Variants in FOXK1 observed in about 807,000 individuals in gnomAD.
FOXK1 encodes the protein forkhead box protein K1.
Under a neutral mutation model 51.9 loss-of-function variants are expected in FOXK1, and 19 were observed. The ratio of observed to expected loss-of-function variants is 0.37; its 90% CI spans 0.26 to 0.54. The LOEUF is 0.54. Among genes scored for constraint, FOXK1 ranks in the 20% least tolerant of loss-of-function variants. The pLI is 0.87. For synonymous variants in FOXK1, 537 were observed against 482.6 expected, an observed-to-expected ratio of 1.11 and a Z score of -1.48; for missense variants, 870 against 1,032.7, an observed-to-expected ratio of 0.84 and a Z score of 2.16.
rs984258931 is a variant in FOXK1, at chr7:4,745,560, C to A, written c.746+4537C>A. On this transcript the variant is annotated intron_variant, in intron 2 of 8. Coordinates refer to ENST00000328914, the MANE Select transcript of FOXK1 (RefSeq NM_001037165.2). The surrounding 1 kb of genome is among the most constrained non-coding windows in gnomAD (Gnocchi z 4.3). ...GAATGAACTCTCTTTGAAATAAATT[C>A]TGCTATCTTTAGCAGAAGTTTGACC... 2.0e-5 allele frequency among the ~76,000 whole-genome samples: 3 copies of A among 152,104 alleles called. No homozygotes were observed. The highest frequency in any genetic ancestry group is 4.8e-5 in the African/African-American group (2 of 41,410).
At chr7:4,742,045 C>A (rs551945238) in intron 2 of FOXK1, among the ~76,000 whole-genome samples, 1 of 152,284 alleles carries the variant, frequency 6.6e-6, no homozygotes. Context: ...CCCAACCGCA[C>A]GTCTGTGGCT....
chr7:4,721,035 TTTCAG>T, intron 1 of FOXK1, among the ~76,000 whole-genome samples: 1 of 152,280 alleles, frequency 6.6e-6, no homozygotes, highest in Admixed American at 6.5e-5. Flanking sequence ...CTTTTTTGTC[TTTCAG>T]TTAAGTTTTG....
rs1780994547 is a variant in FOXK1 at position 4,765,241 on chromosome 7, C to G, written c.*2777C>G. 6.6e-6 allele frequency: 1 copy of G among 152,354 alleles called. No homozygotes were observed. The highest frequency in any genetic ancestry group is 1.5e-5 in the Non-Finnish European group (1 of 68,124). The allele number at this position is 152,354 out of a possible 1,614,324, so 9.4% of individuals were successfully genotyped here. On this transcript the variant is annotated 3_prime_UTR_variant, in exon 9 of 9. Transcript: ENST00000328914. The stretch of plus-strand genomic sequence containing the variant: ...GAGCAGGTACCATGCCTGGCTCATG[C>G]CGGAACTTGTCTTGGAACCGGTAGC...
chr7:4,751,012 C>CTT lies in FOXK1; in HGVS notation c.747-3428_747-3427dup, dbSNP rs35715224. Among the ~76,000 whole-genome samples the CTT allele has an allele frequency of 2.1e-4, 22 of 102,982 alleles. 1 individual carries two copies. Among genetic ancestry groups the CTT allele is most frequent in the South Asian group, 6.4e-4 (2 of 3,142 alleles). 67.6% of individuals were successfully genotyped at this position (102,982 alleles called of 152,430 possible). A position where few individuals can be genotyped will look rare whatever the true frequency, so the allele number is the denominator to read the frequency against. On this transcript the variant is annotated intron_variant, in intron 2 of 8. Transcript: ENST00000328914. Reference sequence around the variant, plus strand: ...GAGCCACCGTGCCTGGCCTTCAGCACTTTTTTTTTTTTTTTTTTTTGAGAT... The same window carrying CTT: ...GAGCCACCGTGCCTGGCCTTCAGCACTTTTTTTTTTTTTTTTTTTTTTGAGAT...
chr7:4,706,064 GTGTATATA>G (rs895854698), intron 1 of FOXK1, among the ~76,000 whole-genome samples: 2 of 110,670 alleles, frequency 1.8e-5, no homozygotes, highest in Admixed American at 1.6e-4. Context: ...GTATATATAT[GTGTATATA>G]TGTATATATG....
At chr7:4,702,285 C>T (rs77685818) in intron 1 of FOXK1, among the ~76,000 whole-genome samples, 3,669 of 152,168 alleles carry the variant, frequency 0.024, 64 homozygotes, top group Non-Finnish European at 0.039. Flanking sequence ...AGACCTCCCG[C>T]GTATGTCACA....
rs1217215296 is a variant in FOXK1 at position 4,750,445 on chromosome 7, CT to C, written c.747-3999del. ...CACGTGTATGCCGTCGTTTTCAGCA[CT>C]TTTTTTTTTTTTTTGAGACAGAATC... On this transcript the variant is annotated intron_variant, in intron 2 of 8. Coordinates refer to ENST00000328914, the MANE Select transcript of FOXK1 (RefSeq NM_001037165.2). Among the ~76,000 whole-genome samples the C allele has an allele frequency of 3.0e-3, 434 of 142,526 alleles. 1 individual carries two copies. The highest frequency in any genetic ancestry group is 7.4e-3 in the Middle Eastern group (2 of 272). 93.5% of individuals were successfully genotyped at this position (142,526 alleles called of 152,430 possible). A position where few individuals can be genotyped will look rare whatever the true frequency, so the allele number is the denominator to read the frequency against.
chr7:4,724,310 C>G (rs1780351798), intron 1 of FOXK1, among the ~76,000 whole-genome samples: 1 of 152,202 alleles, frequency 6.6e-6, no homozygotes, highest in Non-Finnish European at 1.5e-5. Flanking sequence ...ATTCTCCTGC[C>G]TCAACCTCTC....
Position 4,762,342 on chromosome 7 carries a change from G to C in FOXK1, c.2080G>C (p.Ala694Pro), listed in dbSNP as rs15715. 6.4e-7 allele frequency: 1 copy of C among 1,550,846 alleles called. No homozygotes were observed. The highest frequency in any genetic ancestry group is 8.7e-7 in the Non-Finnish European group (1 of 1,146,870). ...PATATTASAS[A>P]SSTGEPEVKR... ...CACTGCCACCACCGCCTCTGCCTCCGCCTCTTCCACTGGAGAGCCCGAGGT... is the reference window on the plus strand; with the variant it reads ...CACTGCCACCACCGCCTCTGCCTCCCCCTCTTCCACTGGAGAGCCCGAGGT... The change falls in exon 9 of 9, where the codon GCC (alanine) becomes CCC (proline). Residue 694 changes from alanine (A) to proline (P), a missense_variant. By Grantham distance (27) the Ala-to-Pro change is conservative (BLOSUM62 -1). This residue lies in a region of FOXK1 where 457 missense variants were observed against 510.8 expected (regional missense o/e 0.89). Coordinates refer to ENST00000328914, the MANE Select transcript of FOXK1 (RefSeq NM_001037165.2). The surrounding 1 kb of genome is among the most constrained non-coding windows in gnomAD (Gnocchi z 5.7).
chr7:4,736,606 G>T (rs969646859), intron 1 of FOXK1, among the ~76,000 whole-genome samples: 1 of 151,932 alleles, frequency 6.6e-6, no homozygotes, highest in Admixed American at 6.6e-5. Context: ...TAGAGAGGGG[G>T]GTTTTGCCTT....
intron 1 of FOXK1, among the ~76,000 whole-genome samples, chr7:4,706,052 A>ACGTATATATACG (rs1260482838): frequency 1.1e-4 from 14 of 128,470 alleles, no homozygotes; most frequent in Admixed American, 7.3e-4. Flanking sequence ...ACGTGTATAT[A>ACGTATATATACG]TGTATATATA....
rs901994610 is a variant in FOXK1, at chr7:4,749,272, C to T, written c.747-5187C>T. 6.6e-6 allele frequency among the ~76,000 whole-genome samples: 1 copy of T among 152,200 alleles called. No individual in the cohort carries two copies. The highest frequency in any genetic ancestry group is 1.5e-5 in the Non-Finnish European group (1 of 68,044). On this transcript the variant is annotated intron_variant, in intron 2 of 8. Transcript: ENST00000328914. The surrounding 1 kb of genome is among the most constrained non-coding windows in gnomAD (Gnocchi z 6.0). ...CATGTTTCATCTCCTCCCAAGCTCC[C>T]GTAGGCTTCCCTGGGTCCCTCTTCT...
At chr7:4,760,431 G>T (rs1213871350) in intron 7 of FOXK1, among the ~76,000 whole-genome samples, 1 of 152,184 alleles carries the variant, frequency 6.6e-6, no homozygotes, top group Non-Finnish European at 1.5e-5. Flanking sequence ...TTTCAATGCT[G>T]CCGTAATGAA....
chr7:4,749,667 G>A lies in FOXK1; in HGVS notation c.747-4792G>A, dbSNP rs976843253. Among the ~76,000 whole-genome samples the A allele has an allele frequency of 1.1e-4, 16 of 152,192 alleles. No individual in the cohort carries two copies. Among genetic ancestry groups the A allele is most frequent in the Admixed American group, 7.2e-4 (11 of 15,280 alleles). On this transcript the variant is annotated intron_variant, in intron 2 of 8. Transcript: ENST00000328914. This position sits in a 1 kb window ranked among gnomAD's most constrained non-coding sequence, Gnocchi z 6.0. Reference sequence around the variant, plus strand: ...ACTGTCCTCCCTGGGCCTGCCGGAAGCGATAACTGTCCCGACCCTAGGCCT... The same window carrying A: ...ACTGTCCTCCCTGGGCCTGCCGGAAACGATAACTGTCCCGACCCTAGGCCT...
chr7:4,702,364 A>T (rs564007934), intron 1 of FOXK1, among the ~76,000 whole-genome samples: 1 of 151,860 alleles, frequency 6.6e-6, no homozygotes, highest in Non-Finnish European at 1.5e-5. Flanking sequence ...TTTTTTTGAG[A>T]TAGAGTCTCA....
At chr7:4,690,267 G>A (rs1353648242) in intron 1 of FOXK1, among the ~76,000 whole-genome samples, 1 of 152,254 alleles carries the variant, frequency 6.6e-6, no homozygotes, top group Non-Finnish European at 1.5e-5. Context: ...GCAGAGGTTG[G>A]AGGGGGAGCC....
intron 1 of FOXK1, 117 bp from the exon 2 acceptor site, chr7:4,740,721 C>A: frequency 9.6e-7 from 1 of 1,038,254 alleles, no homozygotes; most frequent in Non-Finnish European, 1.4e-6. Context: ...TCTCTGGGGC[C>A]CAGGTTTGAG....
rs769786458 is a variant in FOXK1 at position 4,764,819 on chromosome 7, A to G, written c.*2355A>G. ...GAGCGCCGCGTGCTGGGATTGCACC[A>G]CGTGTTGGTCACAAATCGAGGTCGC... is the stretch of plus-strand genomic sequence containing the variant. On this transcript the variant is annotated 3_prime_UTR_variant, in exon 9 of 9. Coordinates refer to ENST00000328914, the MANE Select transcript of FOXK1 (RefSeq NM_001037165.2). 1 of 152,442 alleles carries G rather than the reference A, an allele frequency of 6.6e-6. No homozygotes were observed. Among genetic ancestry groups the G allele is most frequent in the East Asian group, 1.9e-4 (1 of 5,182 alleles). 9.4% of individuals were successfully genotyped at this position (152,442 alleles called of 1,614,324 possible).
rs964098635 is a variant in FOXK1, at chr7:4,764,267, C to G, written c.*1803C>G. On this transcript the variant is annotated 3_prime_UTR_variant, in exon 9 of 9. Transcript: ENST00000328914. ...CTCCTTCCACCTAGATAGAGAAAAC[C>G]CCTTGTTCGGTTTCCTTCCCGTGTC... is the stretch of plus-strand genomic sequence containing the variant. 3 of 154,410 alleles carry G rather than the reference C, an allele frequency of 1.9e-5. No homozygotes were observed. Among genetic ancestry groups the G allele is most frequent in the African/African-American group, 7.2e-5 (3 of 41,512 alleles). The allele number at this position is 154,410 out of a possible 1,614,324, so 9.6% of individuals were successfully genotyped here. A position where few individuals can be genotyped will look rare whatever the true frequency, so the allele number is the denominator to read the frequency against.
Sources: gnomAD v4.1 joint callset for allele counts (sites outside exome capture counted in the v4.1 genomes callset) on GRCh38, gnomAD v4.1.1 for gene constraint, gnomAD v4.1.1 regional missense constraint, Gnocchi (gnomAD v3.1) non-coding constraint, MANE v1.5 for transcripts, NCBI Gene and HGNC (gene_info 2026-07-23, HGNC 2026-07-21) for gene names.